DLGAP1: variants seen among roughly 807,000 people sequenced by gnomAD.
The protein encoded by DLGAP1 is disks large-associated protein 1.
Under a neutral mutation model 90.8 loss-of-function variants are expected in DLGAP1, and 11 were observed. That is an observed-to-expected ratio of 0.12 (90% CI 0.08 to 0.20). DLGAP1 has a LOEUF of 0.20. Ranked by LOEUF, DLGAP1 falls within the 10% of genes least tolerant of loss-of-function variation. The pLI, the probability that DLGAP1 is intolerant of heterozygous loss-of-function variation, is 1.00. For missense variants in DLGAP1, 1,050 were observed against 1,333.8 expected, an observed-to-expected ratio of 0.79 and a Z score of 3.31; for synonymous variants, 558 against 540.7, an observed-to-expected ratio of 1.03 and a Z score of -0.44.
chr18:4,002,487 T>A (rs1483633404), intron 3 of DLGAP1, among the ~76,000 whole-genome samples: 4 of 152,200 alleles, frequency 2.6e-5, no homozygotes, highest in Admixed American at 1.3e-4. Flanking sequence ...ACCTTTATGA[T>A]GACCCACTCC....
intron 7 of DLGAP1, among the ~76,000 whole-genome samples, chr18:3,702,067 T>C (rs1023089968): frequency 1.3e-5 from 2 of 152,236 alleles, no homozygotes; most frequent in African/African-American, 4.8e-5. Flanking sequence ...TTATTTACTT[T>C]TGAGACAGAG....
At chr18:4,298,697 G>A (rs1307341070) in intron 1 of DLGAP1, among the ~76,000 whole-genome samples, 1 of 151,802 alleles carries the variant, frequency 6.6e-6, no homozygotes, top group Non-Finnish European at 1.5e-5. Flanking sequence ...TGGGTGCAGC[G>A]CACCAGCATG....
intron 5 of DLGAP1, among the ~76,000 whole-genome samples, chr18:3,799,307 G>C (rs184513921): frequency 6.6e-6 from 1 of 152,136 alleles, no homozygotes; most frequent in East Asian, 1.9e-4. Context: ...AAGTCAGCAG[G>C]ACTGGGACCC....
At chr18:3,768,128 AC>A (rs2064340853) in intron 5 of DLGAP1, among the ~76,000 whole-genome samples, 2 of 152,188 alleles carry the variant, frequency 1.3e-5, no homozygotes, top group South Asian at 4.1e-4. Flanking sequence ...AGGCTAACAT[AC>A]AAAAATCAGT....
intron 1 of DLGAP1, among the ~76,000 whole-genome samples, chr18:4,398,634 T>C (rs1268476281): frequency 1.3e-5 from 2 of 152,166 alleles, no homozygotes; most frequent in Non-Finnish European, 2.9e-5. Context: ...AAGATAAATA[T>C]AGGAGCCACT....
intron 7 of DLGAP1, among the ~76,000 whole-genome samples, chr18:3,667,037 G>A (rs1214479398): frequency 2.6e-5 from 4 of 151,908 alleles, no homozygotes; most frequent in African/African-American, 9.7e-5. Flanking sequence ...CCAAAGCTCT[G>A]GGATTACAGG....
In DLGAP1 at chr18:3,879,012, TA is replaced by T; in HGVS notation, c.957+99del. ...TAATTTGCACAGGTTCCTATCTTAA[TA>T]GACAATTCAGAGTAGTGCCAAGACT... On this transcript the variant is annotated intron_variant, in intron 4 of 12. Coordinates refer to ENST00000315677, the MANE Select transcript of DLGAP1 (RefSeq NM_004746.4). The surrounding 1 kb of genome is among the most constrained non-coding windows in gnomAD (Gnocchi z 6.6). 1 of 1,006,662 alleles carries T rather than the reference TA, an allele frequency of 9.9e-7. No homozygotes were observed. The highest frequency in any genetic ancestry group is 1.4e-6 in the Non-Finnish European group (1 of 730,604). 62.4% of individuals were successfully genotyped at this position (1,006,662 alleles called of 1,614,324 possible). A position where few individuals can be genotyped will look rare whatever the true frequency, so the allele number is the denominator to read the frequency against.
chr18:3,646,365 C>A, intron 7 of DLGAP1, among the ~76,000 whole-genome samples: 1 of 151,964 alleles, frequency 6.6e-6, no homozygotes, highest in East Asian at 1.9e-4. Context: ...TGCGCTCTAG[C>A]CTGGGCAAGA....
At chr18:4,438,983 C>T (rs764499835) in intron 1 of DLGAP1, among the ~76,000 whole-genome samples, 2 of 152,192 alleles carry the variant, frequency 1.3e-5, no homozygotes, top group Non-Finnish European at 2.9e-5. Flanking sequence ...AGCAATGTCA[C>T]GTTAGGAAGA....
intron 7 of DLGAP1, among the ~76,000 whole-genome samples, chr18:3,644,497 G>A (rs2059051313): frequency 6.6e-6 from 1 of 151,786 alleles, no homozygotes; most frequent in Admixed American, 6.6e-5. Context: ...TGCAACCTCC[G>A]CCTCCCGGGT....
intron 1 of DLGAP1, among the ~76,000 whole-genome samples, chr18:4,281,460 A>C (rs1012550804): frequency 1.3e-5 from 2 of 152,158 alleles, no homozygotes; most frequent in African/African-American, 2.4e-5. Flanking sequence ...AGGCTGAGGC[A>C]GGAGAATTGC....
At position 3,728,650 on chromosome 18, in the gene DLGAP1, TTTC is replaced by T. The variant is rs2062288065; in HGVS notation, c.1591+482_1591+484del. 2.6e-5 allele frequency among the ~76,000 whole-genome samples: 4 copies of T among 152,326 alleles called. No homozygotes were observed. The South Asian group carries it at 8.3e-4, about 32-fold the overall frequency. On this transcript the variant is annotated intron_variant, in intron 7 of 12. Transcript: ENST00000315677. The stretch of plus-strand genomic sequence containing the variant: ...GCGACCAATATTACTGGGTCATCCG[TTTC>T]TTCTTATTTTCTCACAGTGATATTT...
At chr18:4,402,503 G>A (rs1001561730) in intron 1 of DLGAP1, among the ~76,000 whole-genome samples, 4 of 152,108 alleles carry the variant, frequency 2.6e-5, no homozygotes, top group Non-Finnish European at 4.4e-5. Flanking sequence ...GAAGCAGGCC[G>A]GGAAGACATG....
chr18:3,609,032 CACCATGTTG>C (rs775577553), intron 7 of DLGAP1, among the ~76,000 whole-genome samples: 2 of 152,028 alleles, frequency 1.3e-5, no homozygotes, highest in African/African-American at 2.4e-5. Flanking sequence ...GACAGGGTTT[CACCATGTTG>C]GCCATGTTGG....
At chr18:4,033,065 T>C (rs2074824582) in intron 2 of DLGAP1, among the ~76,000 whole-genome samples, 1 of 152,200 alleles carries the variant, frequency 6.6e-6, no homozygotes, top group African/African-American at 2.4e-5. Flanking sequence ...CCTTAATCAA[T>C]GATATATTTC....
At chr18:3,926,778 C>T (rs989035504) in intron 3 of DLGAP1, among the ~76,000 whole-genome samples, 8 of 152,162 alleles carry the variant, frequency 5.3e-5, no homozygotes, top group African/African-American at 1.4e-4. Flanking sequence ...GCAATGAGCA[C>T]CTATAGCACC....
intron 1 of DLGAP1, among the ~76,000 whole-genome samples, chr18:4,364,214 C>A (rs1220661190): frequency 1.5e-5 from 2 of 130,310 alleles, no homozygotes; most frequent in Non-Finnish European, 3.1e-5. Context: ...AATGAGAACA[C>A]ATGGACACAG....
At chr18:3,955,028 G>A (rs1269873074) in intron 3 of DLGAP1, among the ~76,000 whole-genome samples, 1 of 152,160 alleles carries the variant, frequency 6.6e-6, no homozygotes, top group Non-Finnish European at 1.5e-5. Context: ...ATCCGCAGAG[G>A]ATCCAACCGG....
intron 3 of DLGAP1, among the ~76,000 whole-genome samples, chr18:3,953,869 T>C (rs1036003426): frequency 6.6e-6 from 1 of 152,234 alleles, no homozygotes; most frequent in African/African-American, 2.4e-5. Context: ...TCTAATCTTT[T>C]ATGGCATCTC....
Sources: gnomAD v4.1 joint callset for allele counts (sites outside exome capture counted in the v4.1 genomes callset) on GRCh38, gnomAD v4.1.1 for gene constraint, Gnocchi (gnomAD v3.1) non-coding constraint, MANE v1.5 for transcripts, NCBI Gene and HGNC (gene_info 2026-07-23, HGNC 2026-07-21) for gene names.